Variants in COX4I2 observed in about 807,000 individuals in gnomAD.
COX4I2 encodes cytochrome c oxidase subunit 4I2, also known as cytochrome c oxidase subunit 4 isoform 2, mitochondrial.
COX4I2 carries 15 observed loss-of-function variants against 20.8 expected under a neutral mutation model. That is an observed-to-expected ratio of 0.72 (90% CI 0.48 to 1.11). The LOEUF (loss-of-function observed/expected upper bound fraction) is 1.11. Among genes scored for constraint, COX4I2 ranks in the 50% most tolerant of loss-of-function variants. COX4I2 has a pLI of 0.00. For missense variants in COX4I2, 224 were observed against 223.0 expected (o/e 1.00, Z -0.03); for synonymous variants, 80 against 78.1 (o/e 1.02, Z -0.13).
intron 3 of COX4I2, 56 bp downstream of exon 3, chr20:31,640,153 A>C (rs1225960945): frequency 6.5e-7 from 1 of 1,540,236 alleles, no homozygotes; most frequent in Non-Finnish European, 8.7e-7. Flanking sequence ...GACTTTGGAA[A>C]GAATGGCCTG....
rs199601484 is a variant in COX4I2 at position 31,639,045 on chromosome 20, G to A, written c.28G>A (p.Val10Met). The A allele has an allele frequency of 3.0e-5, 48 of 1,612,550 alleles. 1 individual carries two copies. In the African/African-American group the frequency reaches 4.4e-4, roughly 15 times the overall value. Residue 10 changes from valine (V) to methionine (M), a missense_variant, in exon 2 of 5, where the codon GTG (valine) becomes ATG (methionine). Coordinates refer to ENST00000376075, the MANE Select transcript of COX4I2 (RefSeq NM_032609.3). Reference sequence around the variant, plus strand: ...GCTCCCCAGAGCTGCCTGGAGCTTGGTGCTGAGGAAAGGTGGAGGTGGAAG... The same window carrying A: ...GCTCCCCAGAGCTGCCTGGAGCTTGATGCTGAGGAAAGGTGGAGGTGGAAG... MLPRAAWSLVLRKGGGGRRG... is the reference protein window; with the variant it reads MLPRAAWSLMLRKGGGGRRG...
At chr20:31,644,262 G>A (rs754157658) in intron 4 of COX4I2, among the ~76,000 whole-genome samples, 1 of 152,182 alleles carries the variant, frequency 6.6e-6, no homozygotes, top group African/African-American at 2.4e-5. Context: ...ACATGTATCA[G>A]GTGCTTAATA....
chr20:31,639,158 C>G, intron 2 of COX4I2, 59 bp downstream of exon 2: 1 of 1,557,094 alleles, frequency 6.4e-7, no homozygotes, highest in Non-Finnish European at 8.7e-7. Flanking sequence ...GGGGTCCCCT[C>G]TGCAGGCTGC....
intron 3 of COX4I2, among the ~76,000 whole-genome samples, chr20:31,640,966 C>CACAA (rs1228050113): frequency 7.0e-6 from 1 of 142,740 alleles, no homozygotes; most frequent in African/African-American, 2.5e-5. Flanking sequence ...CACACACACA[C>CACAA]ACACACACAC....
rs2295429 is a variant in COX4I2 at position 31,638,959 on chromosome 20, C to T, written c.1-59C>T. 14 of 1,522,068 alleles carry T rather than the reference C, an allele frequency of 9.2e-6. No homozygotes were observed. In the East Asian group the frequency reaches 1.9e-4, roughly 20 times the overall value. The allele number at this position is 1,522,068 out of a possible 1,614,324, so 94.3% of individuals were successfully genotyped here. On this transcript the variant is annotated intron_variant, in intron 1 of 4. Coordinates refer to ENST00000376075, the MANE Select transcript of COX4I2 (RefSeq NM_032609.3). ...AAAAGGATTTTTCCATCTGGCCCTG[C>T]GGTTTGGGGGCAGAGGGTGATGTGG...
intron 2 of COX4I2, among the ~76,000 whole-genome samples, chr20:31,639,558 C>CTTT (rs770616004): frequency 7.5e-6 from 1 of 133,106 alleles, no homozygotes; most frequent in Admixed American, 7.7e-5. Context: ...TATAAACCTC[C>CTTT]TTTTTTTTTT....
intron 3 of COX4I2, among the ~76,000 whole-genome samples, chr20:31,643,098 C>T (rs557332173): frequency 2.6e-5 from 4 of 152,340 alleles, no homozygotes; most frequent in African/African-American, 9.6e-5. Flanking sequence ...TTCCAGTTTT[C>T]ACCAACTTTC....
chr20:31,643,595 C>T, intron 4 of COX4I2, 60 bp downstream of exon 4: 1 of 1,600,806 alleles, frequency 6.2e-7, no homozygotes, highest in Non-Finnish European at 8.6e-7. Flanking sequence ...GTCACGGCCA[C>T]CAGACAGTTT....
chr20:31,638,960 G>A (rs1275191222), intron 1 of COX4I2, 58 bp from the exon 2 acceptor site: 28 of 1,532,412 alleles, frequency 1.8e-5, no homozygotes, highest in Admixed American at 3.8e-5. Flanking sequence ...CTGGCCCTGC[G>A]GTTTGGGGGC....
chr20:31,643,878 A>G (rs2060481953), intron 4 of COX4I2, among the ~76,000 whole-genome samples: 1 of 152,126 alleles, frequency 6.6e-6, no homozygotes, highest in Non-Finnish European at 1.5e-5. Flanking sequence ...TTTTCAGTGT[A>G]TATATATACT....
Position 31,641,047 on chromosome 20 carries a change from G to A in COX4I2, c.247+950G>A, listed in dbSNP as rs563722110. Among the ~76,000 whole-genome samples the A allele has an allele frequency of 3.3e-5, 5 of 151,536 alleles. No homozygotes were observed. In the East Asian group the frequency reaches 9.7e-4, roughly 29 times the overall value. Reference sequence around the variant, plus strand: ...GAAATTGACACTCTTGGGGGGAGAGGGGAGGAATAGCATTAGGAGATATAC... The same window carrying A: ...GAAATTGACACTCTTGGGGGGAGAGAGGAGGAATAGCATTAGGAGATATAC... On this transcript the variant is annotated intron_variant, in intron 3 of 4. Coordinates refer to ENST00000376075, the MANE Select transcript of COX4I2 (RefSeq NM_032609.3).
rs753186646 is a variant in COX4I2 at position 31,640,115 on chromosome 20, G to C, written c.247+18G>C. 6.3e-7 allele frequency: 1 copy of C among 1,595,420 alleles called. No homozygotes were observed. The highest frequency in any genetic ancestry group is 2.3e-5 in the East Asian group (1 of 44,440). On this transcript the variant is annotated intron_variant, in intron 3 of 4. Coordinates refer to ENST00000376075, the MANE Select transcript of COX4I2 (RefSeq NM_032609.3). ...GGTGGCCTGTAAGTGTCAGGGTGGG[G>C]CTGGCTGGAGAGAGTGGGTTGGGGG...
intron 3 of COX4I2, among the ~76,000 whole-genome samples, chr20:31,640,992 C>CAT (rs1199493612): frequency 2.7e-5 from 4 of 149,114 alleles, no homozygotes; most frequent in Non-Finnish European, 6.0e-5. Context: ...CACACACACA[C>CAT]ACATCTTGGT....
rs7260963 is a variant in COX4I2 at position 31,644,574 on chromosome 20, C to T, written c.380-194C>T. Among the ~76,000 whole-genome samples, 1,477 of 152,190 alleles carry T rather than the reference C, an allele frequency of 9.7e-3. 21 individuals are homozygous for T. Among genetic ancestry groups the T allele is most frequent in the African/African-American group, 0.033 (1,368 of 41,528 alleles). On this transcript the variant is annotated intron_variant, in intron 4 of 4. Coordinates refer to ENST00000376075, the MANE Select transcript of COX4I2 (RefSeq NM_032609.3). Reference sequence around the variant, plus strand: ...GGTCAGAACCCAGAGGTGCCTGGGACGATGCTCTAGGAGAAAGTCTGGGGT... The same window carrying T: ...GGTCAGAACCCAGAGGTGCCTGGGATGATGCTCTAGGAGAAAGTCTGGGGT...
At chr20:31,643,819 CAT>C (rs1449032649) in intron 4 of COX4I2, among the ~76,000 whole-genome samples, 1 of 152,162 alleles carries the variant, frequency 6.6e-6, no homozygotes, top group South Asian at 2.1e-4. Context: ...GTGTTTGGCT[CAT>C]AGTCATGAAT....
At chr20:31,643,656 AGGTGTAG>A in intron 4 of COX4I2, 121 bp downstream of exon 4, 1 of 1,208,742 alleles carries the variant, frequency 8.3e-7, no homozygotes, top group Non-Finnish European at 1.2e-6. Flanking sequence ...ATTTCTGAAG[AGGTGTAG>A]GGTGAAGGAC....
rs2060451622 is a variant in COX4I2, at chr20:31,639,013, C to T, written c.1-5C>T. 6.2e-7 allele frequency: 1 copy of T among 1,608,680 alleles called. No homozygotes were observed. Among genetic ancestry groups the T allele is most frequent in the Non-Finnish European group, 8.5e-7 (1 of 1,177,854 alleles). ...CAGAACTCATCTATACCTTCACGCC[C>T]CCAGATGCTCCCCAGAGCTGCCTGG... is the stretch of plus-strand genomic sequence containing the variant. On this transcript the variant is annotated splice_region_variant and splice_polypyrimidine_tract_variant and intron_variant, in intron 1 of 4. Coordinates refer to ENST00000376075, the MANE Select transcript of COX4I2 (RefSeq NM_032609.3).
rs774033084 is a variant in COX4I2 at position 31,644,957 on chromosome 20, C to G, written c.*53C>G. On this transcript the variant is annotated 3_prime_UTR_variant, in exon 5 of 5. Coordinates refer to ENST00000376075, the MANE Select transcript of COX4I2 (RefSeq NM_032609.3). ...CTCCGCCCTGGCTGGGAGCCTCTGG[C>G]GGCCCCTCCCCTCCCCTGCCCTTAA... 1.3e-6 allele frequency: 2 copies of G among 1,595,948 alleles called. No individual in the cohort carries two copies. The highest frequency in any genetic ancestry group is 4.5e-5 in the East Asian group (2 of 44,150).
intron 4 of COX4I2, among the ~76,000 whole-genome samples, chr20:31,644,008 G>A (rs371132144): frequency 1.4e-4 from 22 of 152,016 alleles, no homozygotes; most frequent in Non-Finnish European, 2.5e-4. Context: ...ACAGGGTTTC[G>A]CCATGTTGGC....
Sources: allele counts gnomAD v4.1 joint callset (sites outside exome capture counted in the v4.1 genomes callset), GRCh38; gene constraint gnomAD v4.1.1; transcripts MANE v1.5; gene names NCBI Gene and HGNC (gene_info 2026-07-23, HGNC 2026-07-21).